Variants in MAD1L1 observed in about 807,000 individuals in gnomAD.
MAD1L1 encodes the protein mitotic arrest deficient 1 like 1, also known as mitotic spindle assembly checkpoint protein MAD1.
In MAD1L1, 95 loss-of-function variants were observed where a neutral mutation model predicts 96.9. The ratio of observed to expected loss-of-function variants is 0.98; its 90% CI spans 0.83 to 1.16. The LOEUF (loss-of-function observed/expected upper bound fraction) is 1.16, where lower values mean the gene tolerates loss of function less well. Among genes scored for constraint, MAD1L1 ranks in the 50% most tolerant of loss-of-function variants. MAD1L1 has a pLI of 0.00. For missense variants in MAD1L1, 1,007 were observed against 954.4 expected (o/e 1.06, Z -0.73); for synonymous variants, 473 against 396.6 (o/e 1.19, Z -2.29).
intron 13 of MAD1L1, among the ~76,000 whole-genome samples, chr7:2,012,826 G>A (rs1247648610): frequency 6.6e-6 from 1 of 152,134 alleles, no homozygotes; most frequent in Non-Finnish European, 1.5e-5. Context: ...CCTGGGCTGG[G>A]ACCTGTCATT....
chr7:1,956,895 C>T (rs930486652), intron 16 of MAD1L1, among the ~76,000 whole-genome samples: 4 of 152,212 alleles, frequency 2.6e-5, no homozygotes, highest in Admixed American at 2.0e-4. Context: ...GCAGGGAAGC[C>T]GTAAGTGGTG....
intron 15 of MAD1L1, among the ~76,000 whole-genome samples, chr7:1,965,558 G>A (rs1437760725): frequency 2.6e-5 from 4 of 152,236 alleles, no homozygotes; most frequent in Admixed American, 1.3e-4. Context: ...CCTGGGGGCC[G>A]GAAAAGAAAG....
chr7:1,884,541 T>C (rs1241901164), intron 18 of MAD1L1, among the ~76,000 whole-genome samples: 1 of 152,038 alleles, frequency 6.6e-6, no homozygotes, highest in African/African-American at 2.4e-5. Flanking sequence ...CAGCCCAAAC[T>C]CCCATTGCAT....
At chr7:2,013,494 CGCCCCCAG>C (rs1170586491) in intron 13 of MAD1L1, among the ~76,000 whole-genome samples, 1 of 152,220 alleles carries the variant, frequency 6.6e-6, no homozygotes, top group Non-Finnish European at 1.5e-5. Flanking sequence ...TGTCCCTTGA[CGCCCCCAG>C]GCCTGGGTTT....
At chr7:2,010,152 T>C (rs915218880) in intron 13 of MAD1L1, among the ~76,000 whole-genome samples, 1 of 134,028 alleles carries the variant, frequency 7.5e-6, no homozygotes, top group Non-Finnish European at 1.5e-5. Context: ...GAGGGAAACA[T>C]CACCAACACA....
intron 11 of MAD1L1, among the ~76,000 whole-genome samples, chr7:2,102,350 CATCACCACCGTCACT>C (rs1474746577): frequency 9.3e-5 from 14 of 151,114 alleles, no homozygotes; most frequent in Non-Finnish European, 1.3e-4. Context: ...CCACCGCCAC[CATCACCACCGTCACT>C]ATCACCACCG....
intron 15 of MAD1L1, among the ~76,000 whole-genome samples, chr7:1,973,893 C>T (rs995907205): frequency 1.3e-5 from 2 of 152,352 alleles, no homozygotes; most frequent in Admixed American, 1.3e-4. Flanking sequence ...GCCCTGCTGA[C>T]CCTGCCCAGC....
chr7:2,103,769 C>T lies in MAD1L1; in HGVS notation c.1074-34431G>A, dbSNP rs1215941788. Among the ~76,000 whole-genome samples, 1 of 152,192 alleles carries T rather than the reference C, an allele frequency of 6.6e-6. No homozygotes were observed. Among genetic ancestry groups the T allele is most frequent in the Non-Finnish European group, 1.5e-5 (1 of 68,020 alleles). ...CCAGCAGTGTGGCATAAGCAGACCC[C>T]CTGAACCACTGTGCACGGAGTCCCT... is the stretch of plus-strand genomic sequence containing the variant. On this transcript the variant is annotated intron_variant, in intron 11 of 18. Transcript: ENST00000265854. This position sits in a 1 kb window ranked among gnomAD's most constrained non-coding sequence, Gnocchi z 4.3.
chr7:1,908,272 A>T (rs1169830679), intron 17 of MAD1L1, among the ~76,000 whole-genome samples: 1 of 152,230 alleles, frequency 6.6e-6, no homozygotes, highest in East Asian at 1.9e-4. Context: ...GAGACAGGGA[A>T]CAATGTCTGG....
intron 10 of MAD1L1, among the ~76,000 whole-genome samples, chr7:2,183,711 A>G (rs942405227): frequency 1.3e-5 from 2 of 150,160 alleles, no homozygotes; most frequent in African/African-American, 2.4e-5. Context: ...ATGAGAACAC[A>G]TGGACACAGG....
intron 12 of MAD1L1, among the ~76,000 whole-genome samples, chr7:2,041,867 G>A (rs941197200): frequency 5.9e-5 from 9 of 152,118 alleles, no homozygotes; most frequent in African/African-American, 2.2e-4. Context: ...AACTCACTCA[G>A]GTGCCTGCTT....
At chr7:1,944,250 C>T (rs894313996) in intron 16 of MAD1L1, among the ~76,000 whole-genome samples, 7 of 152,114 alleles carry the variant, frequency 4.6e-5, no homozygotes, top group African/African-American at 1.4e-4. Context: ...CTAGAGGGTT[C>T]GGGCTTCCTT....
At chr7:2,004,078 C>T (rs990294549) in intron 13 of MAD1L1, among the ~76,000 whole-genome samples, 1 of 152,190 alleles carries the variant, frequency 6.6e-6, no homozygotes, top group South Asian at 2.1e-4. Flanking sequence ...GGCAGAGCCT[C>T]AGCACATGGG....
chr7:2,058,011 GGGAGTGT>G (rs1562645702), intron 12 of MAD1L1, among the ~76,000 whole-genome samples: 18 of 135,026 alleles, frequency 1.3e-4, no homozygotes, highest in African/African-American at 3.1e-4. Context: ...GGGCTGGAGA[GGGAGTGT>G]GGCCAGAGGA....
At chr7:2,176,859 T>C (rs1790972394) in intron 10 of MAD1L1, among the ~76,000 whole-genome samples, 3 of 152,216 alleles carry the variant, frequency 2.0e-5, no homozygotes, top group African/African-American at 7.2e-5. Context: ...TACAAAATTC[T>C]TAGGATTAAA....
intron 10 of MAD1L1, among the ~76,000 whole-genome samples, chr7:2,202,900 C>A (rs1471051247): frequency 6.6e-6 from 1 of 152,208 alleles, no homozygotes; most frequent in African/African-American, 2.4e-5. Flanking sequence ...TGTCATCTGA[C>A]CAGTCTACAA....
intron 18 of MAD1L1, among the ~76,000 whole-genome samples, chr7:1,832,638 G>GCGGGGT (rs59541259): frequency 4.8e-5 from 1 of 20,936 alleles, no homozygotes; most frequent in African/African-American, 1.4e-4. Context: ...TTTGGCGGGG[G>GCGGGGT]GGGGGGGGGT....
At chr7:1,824,040 G>A (rs1389237936) in intron 18 of MAD1L1, among the ~76,000 whole-genome samples, 7 of 152,116 alleles carry the variant, frequency 4.6e-5, no homozygotes, top group Admixed American at 2.6e-4. Context: ...ATGAGGATGG[G>A]GTGTCCTGCA....
At chr7:2,168,972 G>A (rs1039263232) in intron 10 of MAD1L1, among the ~76,000 whole-genome samples, 23 of 152,252 alleles carry the variant, frequency 1.5e-4, no homozygotes, top group African/African-American at 5.5e-4. Context: ...GGGCTCTTAC[G>A]TGGGCTTTTC....
Sources: gnomAD v4.1 joint callset for allele counts (sites outside exome capture counted in the v4.1 genomes callset) on GRCh38, gnomAD v4.1.1 for gene constraint, Gnocchi (gnomAD v3.1) non-coding constraint, MANE v1.5 for transcripts, NCBI Gene and HGNC (gene_info 2026-07-23, HGNC 2026-07-21) for gene names.